RABGAP1L: variants seen among roughly 807,000 people sequenced by gnomAD.
The protein encoded by RABGAP1L is RAB GTPase activating protein 1 like.
A neutral mutation model predicts 137.7 loss-of-function variants in RABGAP1L; 63 were observed. That is an observed-to-expected ratio of 0.46 (90% confidence interval 0.37 to 0.56). The LOEUF (loss-of-function observed/expected upper bound fraction) is 0.56. Ranked by LOEUF, RABGAP1L falls within the 20% of genes least tolerant of loss-of-function variation. The pLI is 0.00. For missense variants in RABGAP1L, 1,095 were observed against 1,244.0 expected (o/e 0.88, Z 1.80); for synonymous variants, 431 against 433.7 (o/e 0.99, Z 0.08).
At chr1:174,615,891 G>A (rs1053330762) in intron 13 of RABGAP1L, among the ~76,000 whole-genome samples, 1 of 152,248 alleles carries the variant, frequency 6.6e-6, no homozygotes, top group Non-Finnish European at 1.5e-5. Flanking sequence ...CCAGGTGCAG[G>A]ATATAATCTC....
In RABGAP1L at chr1:174,507,079, C is replaced by T. The variant is rs192348583; in HGVS notation, c.1710+112934C>T. On this transcript the variant is annotated intron_variant, in intron 13 of 25. Coordinates refer to ENST00000681986, the MANE Select transcript of RABGAP1L (RefSeq NM_001366446.1). ...TTATACACCATAATTTTAATTTTTA[C>T]TTGTCAATTTAAAAAGAATTTAAGG... Among the ~76,000 whole-genome samples, 298 of 152,194 alleles carry T rather than the reference C, an allele frequency of 2.0e-3. 1 individual carries two copies. Among genetic ancestry groups the T allele is most frequent in the African/African-American group, 6.8e-3 (282 of 41,514 alleles).
chr1:174,969,791 A>G (rs1669976927), intron 21 of RABGAP1L, among the ~76,000 whole-genome samples: 1 of 152,204 alleles, frequency 6.6e-6, no homozygotes, highest in African/African-American at 2.4e-5. Context: ...AAGTACCTAC[A>G]TTAAGAGTTG....
At chr1:174,713,324 T>C (rs1324986207) in intron 17 of RABGAP1L, among the ~76,000 whole-genome samples, 2 of 152,224 alleles carry the variant, frequency 1.3e-5, no homozygotes, top group Non-Finnish European at 2.9e-5. Flanking sequence ...AATTTATAAT[T>C]GAGAATATTT....
intron 7 of RABGAP1L, among the ~76,000 whole-genome samples, chr1:174,269,408 A>G (rs900790839): frequency 1.3e-5 from 2 of 152,246 alleles, no homozygotes; most frequent in Non-Finnish European, 2.9e-5. Flanking sequence ...GGCAGGCTGT[A>G]ATGTAAAAGA....
At chr1:174,304,928 T>C (rs1032544735) in intron 10 of RABGAP1L, 58 bp from the exon 11 acceptor site, 4 of 1,387,364 alleles carry the variant, frequency 2.9e-6, no homozygotes, top group Non-Finnish European at 3.9e-6. Flanking sequence ...TTAAATACTA[T>C]CTTTCAATGT....
rs1408157557 is a variant in RABGAP1L, at chr1:174,896,921, A to G, written c.2341-60536A>G. On this transcript the variant is annotated intron_variant, in intron 19 of 25. Coordinates refer to ENST00000681986, the MANE Select transcript of RABGAP1L (RefSeq NM_001366446.1). Reference sequence around the variant, plus strand: ...TGGCTTAGGATTGACTTGGCGATGCAAGCTCTTTTTTGGTTCTGTATGAAC... The same window carrying G: ...TGGCTTAGGATTGACTTGGCGATGCGAGCTCTTTTTTGGTTCTGTATGAAC... The G allele has an allele frequency of 3.3e-5, 5 of 152,298 alleles. No individual in the cohort carries two copies. In the South Asian group the frequency reaches 1.0e-3, roughly 32 times the overall value. 9.4% of individuals were successfully genotyped at this position (152,298 alleles called of 1,614,324 possible). A position where few individuals can be genotyped will look rare whatever the true frequency, so the allele number is the denominator to read the frequency against.
intron 17 of RABGAP1L, among the ~76,000 whole-genome samples, chr1:174,710,933 G>A (rs748836256): frequency 1.3e-5 from 2 of 152,200 alleles, no homozygotes; most frequent in South Asian, 2.1e-4. Flanking sequence ...GGTGCTCATC[G>A]GGGAGGCTCA....
chr1:174,764,357 G>A (rs1685492537), intron 18 of RABGAP1L, among the ~76,000 whole-genome samples: 1 of 152,160 alleles, frequency 6.6e-6, no homozygotes, highest in Non-Finnish European at 1.5e-5. Context: ...TGGTAATTAT[G>A]TGTTTAACTT....
chr1:174,174,282 A>C (rs1665660608), intron 1 of RABGAP1L, among the ~76,000 whole-genome samples: 1 of 152,112 alleles, frequency 6.6e-6, no homozygotes, highest in Non-Finnish European at 1.5e-5. Flanking sequence ...TGGACAACTA[A>C]ATTAGCTTTA....
rs148088607 is a variant in RABGAP1L at position 174,331,512 on chromosome 1, A to G, written c.1465+26385A>G. Among the ~76,000 whole-genome samples, 828 of 152,326 alleles carry G rather than the reference A, an allele frequency of 5.4e-3. 8 individuals carry two copies. The highest frequency in any genetic ancestry group is 7.5e-3 in the Non-Finnish European group (507 of 68,024). ...ATATTTCTCCAAAGATGACATACAA[A>G]TAGTCAACAGGTTTATGATAAAACG... On this transcript the variant is annotated intron_variant, in intron 11 of 25. Coordinates refer to ENST00000681986, the MANE Select transcript of RABGAP1L (RefSeq NM_001366446.1).
Position 174,773,163 on chromosome 1 carries a change from G to GGTGTGTGTGTGTGT in RABGAP1L, c.2211+20816_2211+20829dup, listed in dbSNP as rs9286899. Among the ~76,000 whole-genome samples the GGTGTGTGTGTGTGT allele has an allele frequency of 3.5e-3, 521 of 149,558 alleles. 2 individuals are homozygous for GGTGTGTGTGTGTGT. Among genetic ancestry groups the GGTGTGTGTGTGTGT allele is most frequent in the East Asian group, 0.018 (90 of 5,044 alleles). On this transcript the variant is annotated intron_variant, in intron 18 of 25. Transcript: ENST00000681986. ...AGTGTTCTTAACTTCTAAGCTATGG[G>GGTGTGTGTGTGTGT]GTGTGTGTGTGTGTGTGTGTTTATT... is the stretch of plus-strand genomic sequence containing the variant.
intron 13 of RABGAP1L, among the ~76,000 whole-genome samples, chr1:174,539,427 T>C (rs962474972): frequency 6.6e-6 from 1 of 152,186 alleles, no homozygotes; most frequent in African/African-American, 2.4e-5. Flanking sequence ...TATCTCCTAA[T>C]GCTATCCCTT....
In RABGAP1L at chr1:174,685,185, A is replaced by G. The variant is rs59876749; in HGVS notation, c.1899+1589A>G. ...TGAATGTTGTATTTTGAGTTCAGAT[A>G]GCAAATATATCTATGGAGATTGAAT... On this transcript the variant is annotated intron_variant, in intron 15 of 25. Coordinates refer to ENST00000681986, the MANE Select transcript of RABGAP1L (RefSeq NM_001366446.1). Among the ~76,000 whole-genome samples the G allele has an allele frequency of 5.2e-3, 799 of 152,260 alleles. 9 individuals are homozygous for G. Among genetic ancestry groups the G allele is most frequent in the African/African-American group, 0.018 (755 of 41,550 alleles).
At chr1:174,851,484 G>C (rs1648334842) in intron 19 of RABGAP1L, among the ~76,000 whole-genome samples, 1 of 152,126 alleles carries the variant, frequency 6.6e-6, no homozygotes, top group Non-Finnish European at 1.5e-5. Context: ...TAGCATTTCT[G>C]TTTTAAATAA....
At chr1:174,195,745 TTCTTTCTCTCTTTCTC>T (rs539706412) in intron 1 of RABGAP1L, among the ~76,000 whole-genome samples, 2 of 129,772 alleles carry the variant, frequency 1.5e-5, no homozygotes, top group Non-Finnish European at 3.2e-5. Context: ...CTTTCTTTCT[TTCTTTCTCTCTTTCTC>T]TCTTTCTCTC....
At chr1:174,284,327 A>G (rs962442484) in intron 10 of RABGAP1L, among the ~76,000 whole-genome samples, 2 of 152,228 alleles carry the variant, frequency 1.3e-5, no homozygotes, top group Non-Finnish European at 2.9e-5. Flanking sequence ...CTAGTTAAAA[A>G]TGAGATCATA....
At chr1:174,340,052 T>C (rs1407335720) in intron 11 of RABGAP1L, among the ~76,000 whole-genome samples, 1 of 152,212 alleles carries the variant, frequency 6.6e-6, no homozygotes, top group Non-Finnish European at 1.5e-5. Flanking sequence ...TTTTTTAGGT[T>C]TAGTTTTTCT....
intron 13 of RABGAP1L, among the ~76,000 whole-genome samples, chr1:174,611,745 G>A (rs1049467254): frequency 6.6e-6 from 1 of 152,028 alleles, no homozygotes; most frequent in African/African-American, 2.4e-5. Context: ...GCAGTGGTTT[G>A]TAGTTCTCCT....
chr1:174,831,724 G>A (rs1270399354), intron 19 of RABGAP1L, among the ~76,000 whole-genome samples: 2 of 147,348 alleles, frequency 1.4e-5, no homozygotes, highest in African/African-American at 5.0e-5. Flanking sequence ...ACCTCTAGGT[G>A]ACTAAAAAAA....
Sources: allele counts gnomAD v4.1 joint callset (sites outside exome capture counted in the v4.1 genomes callset), GRCh38; gene constraint gnomAD v4.1.1; transcripts MANE v1.5; gene names NCBI Gene and HGNC (gene_info 2026-07-23, HGNC 2026-07-21).